The following KIAA1671 variants were observed in gnomAD, a reference collection of about 807,000 sequenced individuals.
KIAA1671 encodes the protein uncharacterized protein KIAA1671.
KIAA1671 carries 52 observed loss-of-function variants against 131.2 expected under a neutral mutation model. The ratio of observed to expected loss-of-function variants is 0.40; its 90% CI spans 0.32 to 0.50. The LOEUF (loss-of-function observed/expected upper bound fraction) is 0.50. Among genes scored for constraint, KIAA1671 ranks in the 20% least tolerant of loss-of-function variants. The pLI is 0.73. For missense variants in KIAA1671, 2,360 were observed against 2,364.2 expected, an observed-to-expected ratio of 1.00 and a Z score of 0.04; for synonymous variants, 1,003 against 961.6, an observed-to-expected ratio of 1.04 and a Z score of -0.80.
At chr22:24,967,975 A>G (rs369903553) in intron 1 of KIAA1671, among the ~76,000 whole-genome samples, 87 of 152,324 alleles carry the variant, frequency 5.7e-4, no homozygotes, top group African/African-American at 1.8e-3. Context: ...CCTGGGCGAC[A>G]GAGTGAGACT....
rs1005814379 is a variant in KIAA1671, at chr22:25,040,869, A to G, written c.3739A>G (p.Arg1247Gly). 6.5e-7 allele frequency: 1 copy of G among 1,542,892 alleles called. No individual in the cohort carries two copies. Among genetic ancestry groups the G allele is most frequent in the Admixed American group, 2.0e-5 (1 of 49,604 alleles). The change falls in exon 5 of 13, where the codon AGG becomes GGG. Residue 1247 changes from arginine to glycine, a missense_variant. This residue lies in a region of KIAA1671 where 1,161 missense variants were observed against 1,204.7 expected (regional missense o/e 0.96). Transcript: ENST00000358431. Reference sequence around the variant, plus strand: ...TCAGCTGGGCGGGGTGGAGCAGAGAAGGAGGAGCCTGAAGGAGATGCCCGA... The same window carrying G: ...TCAGCTGGGCGGGGTGGAGCAGAGAGGGAGGAGCCTGAAGGAGATGCCCGA... ...PVQLGGVEQR[R>G]RSLKEMPDTG... is the part of the protein sequence containing the mutation.
At chr22:25,033,493 A>G (rs59438092) in intron 4 of KIAA1671, among the ~76,000 whole-genome samples, 24,494 of 151,616 alleles carry the variant, frequency 0.16, 2,434 homozygotes, top group Middle Eastern at 0.26. Flanking sequence ...GAAAACTCAT[A>G]AAATTGTCTC....
At position 25,093,800 on chromosome 22, in the gene KIAA1671, C is replaced by CTCTT. The variant is rs1568951361; in HGVS notation, c.4530+44439_4530+44440insTTCT. 2.0e-4 allele frequency among the ~76,000 whole-genome samples: 27 copies of CTCTT among 131,794 alleles called. 3 individuals are homozygous for CTCTT. The highest frequency in any genetic ancestry group is 7.6e-4 in the African/African-American group (26 of 34,292). 86.5% of individuals were successfully genotyped at this position (131,794 alleles called of 152,430 possible). A position where few individuals can be genotyped will look rare whatever the true frequency, so the allele number is the denominator to read the frequency against. On this transcript the variant is annotated intron_variant, in intron 6 of 12. Transcript: ENST00000358431. ...TCTCTCTCTCTCTCTCTCTCTCTCT[C>CTCTT]TCTCTCTCTCTGTCTCTCTCTCTTT...
In KIAA1671 at chr22:25,181,745, A is replaced by AAAGCTGAGAGGACCCCCCG. The variant is rs764123478; in HGVS notation, c.5121_5122insAAGCTGAGAGGACCCCCCG (p.Ser1708LysfsTer10). 3.2e-6 allele frequency: 5 copies of AAAGCTGAGAGGACCCCCCG among 1,551,674 alleles called. No individual in the cohort carries two copies. In the East Asian group the frequency reaches 1.2e-4, roughly 38 times the overall value. On this transcript the variant is annotated frameshift_variant, in exon 10 of 13. Coordinates refer to ENST00000358431, the MANE Select transcript of KIAA1671 (RefSeq NM_001145206.2). LOFTEE classifies it high-confidence loss of function. The stretch of plus-strand genomic sequence containing the variant: ...AGGAGTCGGATGAGGAGGAGACGGC[A>AAAGCTGAGAGGACCCCCCG]TCCAAAGCTGAGAGGACCCCTGTCA...
intron 6 of KIAA1671, among the ~76,000 whole-genome samples, chr22:25,090,961 C>A (rs1261058888): frequency 6.6e-6 from 1 of 152,194 alleles, no homozygotes; most frequent in Admixed American, 6.5e-5. Context: ...TGGTTCACTG[C>A]TGTATCCCTG....
intron 6 of KIAA1671, among the ~76,000 whole-genome samples, chr22:25,100,260 G>A (rs2145894833): frequency 6.6e-6 from 1 of 152,338 alleles, no homozygotes; most frequent in East Asian, 1.9e-4. Flanking sequence ...AGCTGTCGAT[G>A]TGGTTGAGTT....
At chr22:25,123,073 T>G (rs1198046464) in intron 6 of KIAA1671, among the ~76,000 whole-genome samples, 1 of 152,076 alleles carries the variant, frequency 6.6e-6, no homozygotes, top group Non-Finnish European at 1.5e-5. Flanking sequence ...GCCTCTAAGG[T>G]GGTCCTCTCA....
intron 6 of KIAA1671, among the ~76,000 whole-genome samples, chr22:25,123,163 A>G (rs1378629212): frequency 7.6e-6 from 1 of 131,054 alleles, no homozygotes; most frequent in East Asian, 2.0e-4. Context: ...TGACCAACAG[A>G]ATACATGGCA....
chr22:25,181,373 T>G (rs1934269413), intron 9 of KIAA1671, among the ~76,000 whole-genome samples: 2 of 151,510 alleles, frequency 1.3e-5, no homozygotes, highest in African/African-American at 4.8e-5. Context: ...CATTCCTATC[T>G]ACTTTCCTGC....
intron 1 of KIAA1671, among the ~76,000 whole-genome samples, 152 bp from the exon 2 acceptor site, chr22:25,025,481 A>G (rs951772383): frequency 4.6e-5 from 7 of 152,300 alleles, no homozygotes; most frequent in South Asian, 4.1e-4. Flanking sequence ...ACGTACATAT[A>G]AGGCTACAAA....
At chr22:25,056,260 T>C (rs906011159) in intron 6 of KIAA1671, 28 of 149,602 alleles carry the variant, frequency 1.9e-4, no homozygotes, top group African/African-American at 6.8e-4. Context: ...TTCATTCTCT[T>C]GATAATGTTC....
intron 6 of KIAA1671, among the ~76,000 whole-genome samples, chr22:25,133,413 A>G (rs569564997): frequency 1.3e-5 from 2 of 152,378 alleles, no homozygotes; most frequent in East Asian, 3.9e-4. Flanking sequence ...TGTATCTTGC[A>G]TAACACACTT....
chr22:25,027,187 G>C (rs1264189306), intron 2 of KIAA1671, among the ~76,000 whole-genome samples: 1 of 152,064 alleles, frequency 6.6e-6, no homozygotes, highest in Non-Finnish European at 1.5e-5. Context: ...AATGAAAGCA[G>C]GTTGAGTGAG....
At position 25,041,037 on chromosome 22, in the gene KIAA1671, G is replaced by A. The variant is rs1926896206; in HGVS notation, c.3907G>A (p.Ala1303Thr). 12 of 1,500,922 alleles carry A rather than the reference G, an allele frequency of 8.0e-6. No homozygotes were observed. The allele number at this position is 1,500,922 out of a possible 1,614,324, so 93.0% of individuals were successfully genotyped here. ...TCCCTTCTGGGCTCTGCCACCCTCG[G>A]CTCCTTCTGAAAGGTATCCAGGGGG... Reference protein sequence around the residue: ...SPPFWALPPSAPSERYPGGSP... With the variant: ...SPPFWALPPSTPSERYPGGSP... The change falls in exon 5 of 13, where the codon GCT (alanine) becomes ACT (threonine). Residue 1303 changes from alanine to threonine, a missense_variant. Around this residue, in one of 3 missense-constraint regions of KIAA1671, gnomAD observed 1,161 missense variants for 1,204.7 expected, o/e 0.96. Transcript: ENST00000358431.
chr22:25,151,913 A>G (rs1427145914), intron 6 of KIAA1671, among the ~76,000 whole-genome samples: 2 of 151,394 alleles, frequency 1.3e-5, no homozygotes, highest in Non-Finnish European at 2.9e-5. Flanking sequence ...TAGTTTTTGT[A>G]TTTTTATTAG....
At chr22:25,124,568 A>G (rs2145933807) in intron 6 of KIAA1671, among the ~76,000 whole-genome samples, 1 of 152,180 alleles carries the variant, frequency 6.6e-6, no homozygotes. Flanking sequence ...CAGCTTTGGG[A>G]CCTCAGACAG....
intron 5 of KIAA1671, among the ~76,000 whole-genome samples, chr22:25,045,566 C>A (rs1927175890): frequency 6.6e-6 from 1 of 152,136 alleles, no homozygotes; most frequent in East Asian, 1.9e-4. Context: ...TGGAAAACTA[C>A]AACAGTCTAT....
intron 6 of KIAA1671, among the ~76,000 whole-genome samples, chr22:25,111,197 C>T (rs1931323394): frequency 6.6e-6 from 1 of 152,240 alleles, no homozygotes; most frequent in Non-Finnish European, 1.5e-5. Flanking sequence ...TGCTAACCTT[C>T]CCGGGGCTGC....
intron 6 of KIAA1671, among the ~76,000 whole-genome samples, chr22:25,146,098 A>G (rs1164636588): frequency 6.6e-6 from 1 of 152,268 alleles, no homozygotes; most frequent in Non-Finnish European, 1.5e-5. Flanking sequence ...CAGAGAGTCA[A>G]CTTATTACTA....
Sources: gnomAD v4.1 joint callset for allele counts (sites outside exome capture counted in the v4.1 genomes callset) on GRCh38, gnomAD v4.1.1 for gene constraint, gnomAD v4.1.1 regional missense constraint, MANE v1.5 for transcripts, NCBI Gene and HGNC (gene_info 2026-07-23, HGNC 2026-07-21) for gene names.